Variants in KCNQ1 observed in about 807,000 individuals in gnomAD.
KCNQ1 encodes the protein potassium voltage-gated channel subfamily KQT member 1.
KCNQ1 carries 49 observed loss-of-function variants against 72.4 expected under a neutral mutation model. The observed-to-expected ratio is 0.68, with a 90% CI of 0.54 to 0.86. The LOEUF (loss-of-function observed/expected upper bound fraction) is 0.86, where lower values mean the gene tolerates loss of function less well. Among genes scored for constraint, KCNQ1 ranks in the 40% least tolerant of loss-of-function variants. KCNQ1 has a pLI of 0.00. For missense variants in KCNQ1, 790 were observed against 945.1 expected (o/e 0.84, Z 2.15); for synonymous variants, 450 against 412.6 (o/e 1.09, Z -1.10).
Position 2,494,677 on chromosome 11 carries a change from C to T in KCNQ1, c.387-33251C>T, listed in dbSNP as rs1846882116. ...ACATATGTTGAATCAGCCTTGCATC[C>T]CAGGGATGAAGCCCACTTGATCACC... On this transcript the variant is annotated intron_variant, in intron 1 of 15. Coordinates refer to ENST00000155840, the MANE Select transcript of KCNQ1 (RefSeq NM_000218.3). The surrounding 1 kb of genome is among the most constrained non-coding windows in gnomAD (Gnocchi z 4.6). Among the ~76,000 whole-genome samples the T allele has an allele frequency of 6.6e-6, 1 of 152,100 alleles. No individual in the cohort carries two copies. The highest frequency in any genetic ancestry group is 2.4e-5 in the African/African-American group (1 of 41,404).
rs3819515 is a variant in KCNQ1, at chr11:2,794,253, C to G, written c.1794+16216C>G. On this transcript the variant is annotated intron_variant, in intron 15 of 15. Coordinates refer to ENST00000155840, the MANE Select transcript of KCNQ1 (RefSeq NM_000218.3). ...GCCAGCCCCCAGTCTGCCAGCCCCA[C>G]CGATGAGAACAAGCAGACTGAGGGG... 1.9e-3 allele frequency among the ~76,000 whole-genome samples: 282 copies of G among 152,308 alleles called. 8 individuals carry two copies. The East Asian group carries it at 0.053, about 29-fold the overall frequency.
At position 2,735,411 on chromosome 11, in the gene KCNQ1, C is replaced by T. The variant is rs1845940612; in HGVS notation, c.1515-33433C>T. On this transcript the variant is annotated intron_variant, in intron 11 of 15. Coordinates refer to ENST00000155840, the MANE Select transcript of KCNQ1 (RefSeq NM_000218.3). This position sits in a 1 kb window ranked among gnomAD's most constrained non-coding sequence, Gnocchi z 7.7. ...CAAGCTTCTCCCCTTCCTTCAGAGC[C>T]CAACCACTGCTTGCTCCTTCCCACC... Among the ~76,000 whole-genome samples the T allele has an allele frequency of 6.6e-6, 1 of 152,030 alleles. No homozygotes were observed. Among genetic ancestry groups the T allele is most frequent in the Non-Finnish European group, 1.5e-5 (1 of 67,976 alleles).
In KCNQ1 at chr11:2,767,632, G is replaced by A. The variant is rs527451132; in HGVS notation, c.1515-1212G>A. Among the ~76,000 whole-genome samples, 5 of 152,276 alleles carry A rather than the reference G, an allele frequency of 3.3e-5. No homozygotes were observed. The South Asian group carries it at 1.0e-3, about 32-fold the overall frequency. On this transcript the variant is annotated intron_variant, in intron 11 of 15. Coordinates refer to ENST00000155840, the MANE Select transcript of KCNQ1 (RefSeq NM_000218.3). The surrounding 1 kb of genome is among the most constrained non-coding windows in gnomAD (Gnocchi z 4.6). ...CTCCAGTAGGGGATTGAGAGAGGTGGGGTTAATGTGATGGAAAGTTGGCAT... is the reference window on the plus strand; with the variant it reads ...CTCCAGTAGGGGATTGAGAGAGGTGAGGTTAATGTGATGGAAAGTTGGCAT...
intron 15 of KCNQ1, among the ~76,000 whole-genome samples, chr11:2,805,068 G>A (rs759647668): frequency 2.1e-4 from 32 of 151,804 alleles, no homozygotes; most frequent in South Asian, 6.2e-4. Flanking sequence ...TGGCCATCCC[G>A]GGCCTGAGTT....
At position 2,623,191 on chromosome 11, in the gene KCNQ1, C is replaced by T. The variant is rs577894206; in HGVS notation, c.1393+34337C>T. ...TGCCTGCTTCTCCTTTGCCTTCCGC[C>T]ATGATTTTAAGTTTCTGAGGCCTGC... On this transcript the variant is annotated intron_variant, in intron 10 of 15. Transcript: ENST00000155840. This position sits in a 1 kb window ranked among gnomAD's most constrained non-coding sequence, Gnocchi z 5.2. The T allele has an allele frequency of 3.7e-4, 146 of 398,642 alleles. 1 individual carries two copies. Among genetic ancestry groups the T allele is most frequent in the African/African-American group, 2.6e-3 (125 of 48,712 alleles). The allele number at this position is 398,642 out of a possible 1,614,324, so 24.7% of individuals were successfully genotyped here. A position where few individuals can be genotyped will look rare whatever the true frequency, so the allele number is the denominator to read the frequency against.
rs866912063 is a variant in KCNQ1, at chr11:2,541,352, G to C, written c.477+13334G>C. Among the ~76,000 whole-genome samples the C allele has an allele frequency of 3.3e-4, 50 of 152,252 alleles. No individual in the cohort carries two copies. Among genetic ancestry groups the C allele is most frequent in the Admixed American group, 2.6e-4 (4 of 15,292 alleles). ...GCAGCATTTGGTGGGGAACCTGGGG[G>C]AAGGGCGGGCGTCTTTATTTCATTT... On this transcript the variant is annotated intron_variant, in intron 2 of 15. Transcript: ENST00000155840. This position sits in a 1 kb window ranked among gnomAD's most constrained non-coding sequence, Gnocchi z 4.8.
At chr11:2,575,878 C>T (rs533680898) in intron 6 of KCNQ1, among the ~76,000 whole-genome samples, 3 of 152,346 alleles carry the variant, frequency 2.0e-5, no homozygotes, top group South Asian at 2.1e-4. Context: ...AACTCATGGG[C>T]TCTAGAGGCC....
intron 15 of KCNQ1, among the ~76,000 whole-genome samples, chr11:2,788,372 C>T (rs1487576538): frequency 5.3e-5 from 8 of 152,232 alleles, no homozygotes; most frequent in Admixed American, 5.2e-4. Context: ...AGGTGCTGCT[C>T]AGCAGACTGT....
chr11:2,753,405 CCTGAGAAAG>C (rs1846256037), intron 11 of KCNQ1, among the ~76,000 whole-genome samples: 1 of 152,134 alleles, frequency 6.6e-6, no homozygotes, highest in South Asian at 2.1e-4. Context: ...CCCTGATCCC[CCTGAGAAAG>C]GGCTCCCTCC....
Position 2,471,662 on chromosome 11 carries a change from G to A in KCNQ1, c.386+26178G>A, listed in dbSNP as rs1243278263. On this transcript the variant is annotated intron_variant, in intron 1 of 15. Coordinates refer to ENST00000155840, the MANE Select transcript of KCNQ1 (RefSeq NM_000218.3). The surrounding 1 kb of genome is among the most constrained non-coding windows in gnomAD (Gnocchi z 4.8). Reference sequence around the variant, plus strand: ...TGTGTGTACACATGTGTATGGGTGTGTGCATGGGTGTGCACATGTGTATGG... The same window carrying A: ...TGTGTGTACACATGTGTATGGGTGTATGCATGGGTGTGCACATGTGTATGG... Among the ~76,000 whole-genome samples, 1 of 152,076 alleles carries A rather than the reference G, an allele frequency of 6.6e-6. No individual in the cohort carries two copies. The highest frequency in any genetic ancestry group is 6.5e-5 in the Admixed American group (1 of 15,284).
In KCNQ1 at chr11:2,608,158, T is replaced by C. The variant is rs892394968; in HGVS notation, c.1393+19304T>C. ...GAATGTATTGGAAAAATTTTCCTTC[T>C]CTTCTATTTTTTTGTTGTTGGAAGA... On this transcript the variant is annotated intron_variant, in intron 10 of 15. Coordinates refer to ENST00000155840, the MANE Select transcript of KCNQ1 (RefSeq NM_000218.3). This position sits in a 1 kb window ranked among gnomAD's most constrained non-coding sequence, Gnocchi z 4.6. Among the ~76,000 whole-genome samples the C allele has an allele frequency of 5.3e-5, 8 of 152,168 alleles. No individual in the cohort carries two copies. The highest frequency in any genetic ancestry group is 2.9e-5 in the Non-Finnish European group (2 of 68,012).
intron 10 of KCNQ1, chr11:2,629,019 T>A: frequency 7.5e-6 from 3 of 398,356 alleles, no homozygotes; most frequent in Non-Finnish European, 1.3e-5. Context: ...AAAATAAGCA[T>A]GTGTAATATC....
rs1847545264 is a variant in KCNQ1, at chr11:2,813,899, G to C, written c.1795-33868G>C. 6.6e-6 allele frequency among the ~76,000 whole-genome samples: 1 copy of C among 152,076 alleles called. No homozygotes were observed. The highest frequency in any genetic ancestry group is 1.5e-5 in the Non-Finnish European group (1 of 68,018). ...TGCAGAAAGGGATGCGTGGAAGGAT[G>C]GTTGATGGATGGATGGTTAGATGGA... On this transcript the variant is annotated intron_variant, in intron 15 of 15. Transcript: ENST00000155840. This position sits in a 1 kb window ranked among gnomAD's most constrained non-coding sequence, Gnocchi z 4.4.
chr11:2,712,057 G>T lies in KCNQ1; in HGVS notation c.1514+49976G>T, dbSNP rs1439280666. Among the ~76,000 whole-genome samples the T allele has an allele frequency of 1.3e-5, 2 of 152,156 alleles. No homozygotes were observed. Among genetic ancestry groups the T allele is most frequent in the Non-Finnish European group, 2.9e-5 (2 of 68,026 alleles). ...TACCCATCTGTAAAAAGGAGAAATCGTTTCTGTGCTCCCTGCCTCCCAGAG... is the reference window on the plus strand; with the variant it reads ...TACCCATCTGTAAAAAGGAGAAATCTTTTCTGTGCTCCCTGCCTCCCAGAG... On this transcript the variant is annotated intron_variant, in intron 11 of 15. Coordinates refer to ENST00000155840, the MANE Select transcript of KCNQ1 (RefSeq NM_000218.3). This position sits in a 1 kb window ranked among gnomAD's most constrained non-coding sequence, Gnocchi z 6.4.
chr11:2,675,598 G>C, intron 11 of KCNQ1: 1 of 398,620 alleles, frequency 2.5e-6, no homozygotes, highest in Middle Eastern at 6.3e-4. Context: ...GATCCCAATT[G>C]CTCCTCAGAT....
chr11:2,660,396 T>C (rs1849930879), intron 10 of KCNQ1: 1 of 398,572 alleles, frequency 2.5e-6, no homozygotes, highest in Non-Finnish European at 4.4e-6. Flanking sequence ...TCCTTTTTTA[T>C]AAAGCAAAAG....
chr11:2,794,624 A>C (rs1251597666), intron 15 of KCNQ1, among the ~76,000 whole-genome samples: 1 of 152,194 alleles, frequency 6.6e-6, no homozygotes, highest in Non-Finnish European at 1.5e-5. Flanking sequence ...TTCACAGATT[A>C]GCGGGGAGCA....
Position 2,657,220 on chromosome 11 carries a change from C to T in KCNQ1, c.1394-4741C>T, listed in dbSNP as rs759574383. 4.8e-5 allele frequency: 19 copies of T among 398,470 alleles called. No homozygotes were observed. The highest frequency in any genetic ancestry group is 3.5e-4 in the Admixed American group (8 of 22,714). The allele number at this position is 398,470 out of a possible 1,614,324, so 24.7% of individuals were successfully genotyped here. On this transcript the variant is annotated intron_variant, in intron 10 of 15. Transcript: ENST00000155840. This position sits in a 1 kb window ranked among gnomAD's most constrained non-coding sequence, Gnocchi z 4.8. ...TTCTTGGCTTTTTGCACTTCCAAGT[C>T]GCAGTTAGAATCAGCTTGCCAAAGT...
chr11:2,539,306 G>A (rs1490019863), intron 2 of KCNQ1, among the ~76,000 whole-genome samples: 1 of 152,224 alleles, frequency 6.6e-6, no homozygotes, highest in Non-Finnish European at 1.5e-5. Context: ...GCTCCTACCT[G>A]CTGCTGCCTG....
Sources: allele counts gnomAD v4.1 joint callset (sites outside exome capture counted in the v4.1 genomes callset), GRCh38; gene constraint gnomAD v4.1.1; non-coding constraint Gnocchi (gnomAD v3.1); transcripts MANE v1.5; gene names NCBI Gene and HGNC (gene_info 2026-07-23, HGNC 2026-07-21).